TRIP12: variants seen among roughly 807,000 people sequenced by gnomAD.
TRIP12 encodes thyroid hormone receptor interactor 12, also known as E3 ubiquitin-protein ligase TRIP12.
Under a neutral mutation model 244.2 loss-of-function variants are expected in TRIP12, and 25 were observed. The ratio of observed to expected loss-of-function variants is 0.10; its 90% CI spans 0.07 to 0.14. TRIP12 has a LOEUF of 0.14. TRIP12 is among the 10% of genes least tolerant of loss of function. The probability of loss-of-function intolerance (pLI) is 1.00; values close to 1 mark genes in which losing one functional copy is unlikely to be tolerated. For missense variants in TRIP12, 1,677 were observed against 2,486.4 expected (o/e 0.67, Z 6.92); for synonymous variants, 905 against 873.1 (o/e 1.04, Z -0.64).
At chr2:229,819,068 ACACAC>A (rs2049252723) in intron 8 of TRIP12, among the ~76,000 whole-genome samples, 1 of 147,610 alleles carries the variant, frequency 6.8e-6, no homozygotes, top group South Asian at 2.2e-4. Context: ...ACACACACAC[ACACAC>A]ACACACACAC....
chr2:229,823,733 AC>A (rs1559652435), intron 8 of TRIP12, among the ~76,000 whole-genome samples: 1 of 151,926 alleles, frequency 6.6e-6, no homozygotes. Context: ...CATGCCTGTA[AC>A]CCCAGCAACT....
chr2:229,794,935 T>G lies in TRIP12; in HGVS notation c.3968+244A>C, dbSNP rs186784446. 3.9e-3 allele frequency: 1,208 copies of G among 308,646 alleles called. 6 individuals carry two copies. Among genetic ancestry groups the G allele is most frequent in the Non-Finnish European group, 5.2e-3 (887 of 171,972 alleles). The allele number at this position is 308,646 out of a possible 1,614,324, so 19.1% of individuals were successfully genotyped here. A position where few individuals can be genotyped will look rare whatever the true frequency, so the allele number is the denominator to read the frequency against. Reference sequence around the variant, plus strand: ...ATCAATTTAAGGAAAACTAAGCCTATTACAAGTTACAAATACAATCACTGG... The same window carrying G: ...ATCAATTTAAGGAAAACTAAGCCTAGTACAAGTTACAAATACAATCACTGG... On this transcript the variant is annotated intron_variant, in intron 26 of 41. Transcript: ENST00000675903.
intron 6 of TRIP12, among the ~76,000 whole-genome samples, chr2:229,833,130 A>G (rs2053877439): frequency 6.6e-6 from 1 of 152,192 alleles, no homozygotes. Context: ...CTTCTTAAAT[A>G]TTTTATTCTA....
intron 19 of TRIP12, 88 bp downstream of exon 19, chr2:229,803,911 A>G: frequency 8.1e-7 from 1 of 1,234,678 alleles, no homozygotes; most frequent in African/African-American, 1.5e-5. Context: ...TTTTGTGCAT[A>G]TTTTTTCTAT....
rs370393333 is a variant in TRIP12, at chr2:229,812,184, G to A, written c.1987-980C>T. 3.2e-4 allele frequency among the ~76,000 whole-genome samples: 48 copies of A among 152,022 alleles called. No individual in the cohort carries two copies. The East Asian group carries it at 3.5e-3, about 11-fold the overall frequency. On this transcript the variant is annotated intron_variant, in intron 13 of 41. Coordinates refer to ENST00000675903, the MANE Select transcript of TRIP12 (RefSeq NM_001348323.3). ...AGCTCACTGCAAACCTCTGCCTCCC[G>A]AGATCAAGCGATCCTCCTGCCTCAG...
At position 229,859,222 on chromosome 2, in the gene TRIP12, T is replaced by G; in HGVS notation, c.577A>C (p.Arg193=). The G allele has an allele frequency of 6.2e-7, 1 of 1,614,168 alleles. No individual in the cohort carries two copies. The highest frequency in any genetic ancestry group is 1.7e-5 in the Admixed American group (1 of 60,030). Residue 193 remains arginine (R), a synonymous_variant, in exon 4 of 42, where the codon AGG becomes CGG. Transcript: ENST00000675903. ...CTCTTTACACAAGAACTCTCTGTCC[T>G]TTTTCTTTTCTGACTCCGTGAACCG... ...TGGSRSQKRK[R]TESSCVKSGS... is the part of the protein sequence containing the mutation.
chr2:229,808,159 G>A (rs2046347036), intron 16 of TRIP12, 93 bp downstream of exon 16: 1 of 952,348 alleles, frequency 1.1e-6, no homozygotes, highest in African/African-American at 1.6e-5. Flanking sequence ...GTAGAGACGG[G>A]TTTTCATCAT....
chr2:229,803,738 T>C (rs1481505397), intron 19 of TRIP12, 49 bp from the exon 20 acceptor site: 1 of 1,406,540 alleles, frequency 7.1e-7, no homozygotes, highest in East Asian at 2.3e-5. Context: ...AATTTGATGA[T>C]TATTTTTGGC....
chr2:229,849,185 C>A (rs2058161734), intron 4 of TRIP12, among the ~76,000 whole-genome samples: 1 of 152,084 alleles, frequency 6.6e-6, no homozygotes, highest in African/African-American at 2.4e-5. Context: ...TGAGTAAGTT[C>A]ATGGGAAAGT....
chr2:229,821,076 C>T (rs1454010591), intron 8 of TRIP12, among the ~76,000 whole-genome samples: 1 of 152,118 alleles, frequency 6.6e-6, no homozygotes, highest in African/African-American at 2.4e-5. Flanking sequence ...ATTAAAAAGA[C>T]ATGTCTTGGG....
chr2:229,806,682 G>A (rs2045967871), intron 17 of TRIP12, among the ~76,000 whole-genome samples: 1 of 152,180 alleles, frequency 6.6e-6, no homozygotes, highest in Non-Finnish European at 1.5e-5. Context: ...ATATAATGCT[G>A]CACAGAAGAC....
intron 2 of TRIP12, among the ~76,000 whole-genome samples, chr2:229,864,051 T>G (rs201852509): frequency 2.3e-5 from 2 of 85,418 alleles, no homozygotes; most frequent in Non-Finnish European, 5.0e-5. Flanking sequence ...AGAGAGAGTG[T>G]GTGTGTGTGT....
rs187967451 is a variant in TRIP12, at chr2:229,899,618, G to A, written c.-49-19490C>T. ...GAAACAAGTAACTGGAGTAAAAGGC[G>A]ACAAACTACTACTCTAAGTACTATT... On this transcript the variant is annotated intron_variant, in intron 1 of 41. Transcript: ENST00000675903. Among the ~76,000 whole-genome samples the A allele has an allele frequency of 8.1e-3, 1,229 of 152,264 alleles. 13 individuals are homozygous for A. The highest frequency in any genetic ancestry group is 0.011 in the Non-Finnish European group (775 of 68,024).
chr2:229,913,669 C>T (rs16826462), intron 1 of TRIP12, among the ~76,000 whole-genome samples: 6,585 of 152,216 alleles, frequency 0.043, 477 homozygotes, highest in African/African-American at 0.15. Context: ...TTATGGCAAA[C>T]GATGCTAATA....
At position 229,797,868 on chromosome 2, in the gene TRIP12, G is replaced by A. The variant is rs180928006; in HGVS notation, c.3483-37C>T. On this transcript the variant is annotated intron_variant, in intron 23 of 41. Transcript: ENST00000675903. Reference sequence around the variant, plus strand: ...AAAAAGGAGATATTAAAGTCCCAGTGTATGTAGAAAGGATATAACTTCTGA... The same window carrying A: ...AAAAAGGAGATATTAAAGTCCCAGTATATGTAGAAAGGATATAACTTCTGA... 113 of 1,601,600 alleles carry A rather than the reference G, an allele frequency of 7.1e-5. No homozygotes were observed. The African/African-American group carries it at 1.3e-3, about 19-fold the overall frequency.
intron 15 of TRIP12, among the ~76,000 whole-genome samples, chr2:229,809,262 A>G (rs531532243): frequency 6.6e-6 from 1 of 152,128 alleles, no homozygotes; most frequent in African/African-American, 2.4e-5. Flanking sequence ...TTGCAACTTT[A>G]TAGAGAAGTT....
intron 1 of TRIP12, among the ~76,000 whole-genome samples, chr2:229,886,490 T>G (rs2066048581): frequency 6.6e-6 from 1 of 151,280 alleles, no homozygotes. Context: ...TGAGACGGGA[T>G]CTCACTGGAC....
chr2:229,893,020 T>C (rs1162496569), intron 1 of TRIP12, among the ~76,000 whole-genome samples: 2 of 152,216 alleles, frequency 1.3e-5, no homozygotes, highest in Non-Finnish European at 2.9e-5. Flanking sequence ...GAACTTTCCA[T>C]TTTGATTCTT....
At chr2:229,879,504 TA>T (rs1425292382) in intron 2 of TRIP12, among the ~76,000 whole-genome samples, 1 of 152,228 alleles carries the variant, frequency 6.6e-6, no homozygotes, top group African/African-American at 2.4e-5. Context: ...ACTCGTTCAC[TA>T]ACAAAGTCAG....
Sources: allele counts gnomAD v4.1 joint callset (sites outside exome capture counted in the v4.1 genomes callset), GRCh38; gene constraint gnomAD v4.1.1; transcripts MANE v1.5; gene names NCBI Gene and HGNC (gene_info 2026-07-23, HGNC 2026-07-21).